The following TRDMT1 variants were observed in gnomAD, a reference collection of about 807,000 sequenced individuals.
TRDMT1 encodes the protein tRNA (cytosine(38)-C(5))-methyltransferase.
In TRDMT1, 49 loss-of-function variants were observed where a neutral mutation model predicts 51.2. The ratio of observed to expected loss-of-function variants is 0.96; its 90% CI spans 0.76 to 1.21. The LOEUF (loss-of-function observed/expected upper bound fraction) is 1.21, where lower values mean the gene tolerates loss of function less well. Among genes scored for constraint, TRDMT1 ranks in the 50% most tolerant of loss-of-function variants. TRDMT1 has a pLI of 0.00. For synonymous variants in TRDMT1, 187 were observed against 164.6 expected, an observed-to-expected ratio of 1.14 and a Z score of -1.04; for missense variants, 534 against 462.3, an observed-to-expected ratio of 1.16 and a Z score of -1.42.
In TRDMT1 at chr10:17,142,067, A is replaced by G. The variant is rs1837734819; in HGVS notation, c.*6973T>C. On this transcript the variant is annotated 3_prime_UTR_variant, in exon 11 of 11. Transcript: ENST00000377799. ...GAGCTTTTCTATTTTTTGTGGCAAG[A>G]CAACTTGTAATTACCTGTTGAAGCA... is the stretch of plus-strand genomic sequence containing the variant. Among the ~76,000 whole-genome samples, 1 of 152,132 alleles carries G rather than the reference A, an allele frequency of 6.6e-6. No individual in the cohort carries two copies. Among genetic ancestry groups the G allele is most frequent in the Admixed American group, 6.5e-5 (1 of 15,276 alleles).
chr10:17,188,440 A>G (rs1844224193), intron 1 of TRDMT1, among the ~76,000 whole-genome samples: 1 of 114,034 alleles, frequency 8.8e-6, no homozygotes, highest in Non-Finnish European at 1.9e-5. Context: ...AATTCAAGAC[A>G]TATTTATTGA....
Position 17,198,034 on chromosome 10 carries a change from C to CAA in TRDMT1, c.64+3535_64+3536dup, listed in dbSNP as rs34756430. On this transcript the variant is annotated intron_variant, in intron 1 of 10. Coordinates refer to ENST00000377799, the MANE Select transcript of TRDMT1 (RefSeq NM_004412.7). ...GGGCAAGAAGAGCGAAACTCCATCT[C>CAA]AAAAAAAAAAAGAAAGAAAAAGAAA... 3.9e-3 allele frequency among the ~76,000 whole-genome samples: 538 copies of CAA among 139,300 alleles called. 5 individuals carry two copies. Among genetic ancestry groups the CAA allele is most frequent in the African/African-American group, 0.013 (501 of 37,802 alleles). The allele number at this position is 139,300 out of a possible 152,430, so 91.4% of individuals were successfully genotyped here.
At position 17,144,600 on chromosome 10, in the gene TRDMT1, G is replaced by A. The variant is rs1177705642; in HGVS notation, c.*4440C>T. ...AAGCCAATGTATATGAGAACTTGGG[G>A]AATACAAAGCCAAAACAGCTCATTG... On this transcript the variant is annotated 3_prime_UTR_variant, in exon 11 of 11. Transcript: ENST00000377799. 6 of 985,342 alleles carry A rather than the reference G, an allele frequency of 6.1e-6. No individual in the cohort carries two copies. The highest frequency in any genetic ancestry group is 7.2e-6 in the Non-Finnish European group (6 of 829,912). The allele number at this position is 985,342 out of a possible 1,614,324, so 61.0% of individuals were successfully genotyped here.
chr10:17,150,345 T>C, intron 10 of TRDMT1: 1 of 965,850 alleles, frequency 1.0e-6, no homozygotes, highest in Non-Finnish European at 1.2e-6. Context: ...AATTGTTGAA[T>C]GGTAAGAGTC....
Position 17,149,234 on chromosome 10 carries a change from T to C in TRDMT1, c.1076-94A>G, listed in dbSNP as rs1838386806. 3 of 937,122 alleles carry C rather than the reference T, an allele frequency of 3.2e-6. No homozygotes were observed. The African/African-American group carries it at 5.0e-5, about 16-fold the overall frequency. The allele number at this position is 937,122 out of a possible 1,614,324, so 58.1% of individuals were successfully genotyped here. On this transcript the variant is annotated intron_variant, in intron 10 of 10. Transcript: ENST00000377799. ...CCTTTAGTAAGGGCACAGCGGTCATTTCATAAGTAAATCACTAAGGTCTCC... is the reference window on the plus strand; with the variant it reads ...CCTTTAGTAAGGGCACAGCGGTCATCTCATAAGTAAATCACTAAGGTCTCC...
chr10:17,184,565 T>A (rs1481109256), intron 1 of TRDMT1, among the ~76,000 whole-genome samples: 1 of 152,134 alleles, frequency 6.6e-6, no homozygotes, highest in Admixed American at 6.5e-5. Context: ...TGAAAGCTTC[T>A]AATTTTCATC....
At chr10:17,198,453 G>A (rs1010541403) in intron 1 of TRDMT1, among the ~76,000 whole-genome samples, 4 of 152,216 alleles carry the variant, frequency 2.6e-5, no homozygotes, top group African/African-American at 7.2e-5. Context: ...CTATACAATG[G>A]AATATTATTC....
intron 7 of TRDMT1, among the ~76,000 whole-genome samples, chr10:17,158,162 T>A (rs1379700701): frequency 1.3e-5 from 2 of 152,026 alleles, no homozygotes; most frequent in Admixed American, 1.3e-4. Context: ...TTTGCCATAC[T>A]CCTTCATTAA....
chr10:17,201,057 T>C (rs1846086864), intron 1 of TRDMT1, among the ~76,000 whole-genome samples: 1 of 152,230 alleles, frequency 6.6e-6, no homozygotes, highest in South Asian at 2.1e-4. Context: ...GTCCAAGTTC[T>C]TCAAGCTTCC....
chr10:17,151,656 C>G, intron 10 of TRDMT1: 8 of 963,292 alleles, frequency 8.3e-6, no homozygotes, highest in Non-Finnish European at 9.9e-6. Context: ...CATATATATT[C>G]AAAGAGCTTT....
At chr10:17,162,533 C>G (rs1188700055) in intron 3 of TRDMT1, among the ~76,000 whole-genome samples, 1 of 151,838 alleles carries the variant, frequency 6.6e-6, no homozygotes, top group Admixed American at 6.6e-5. Flanking sequence ...ATGGCGAAAC[C>G]CTGTCTCTAC....
chr10:17,195,461 A>AG (rs895002305), intron 1 of TRDMT1, among the ~76,000 whole-genome samples: 2 of 152,296 alleles, frequency 1.3e-5, no homozygotes, highest in East Asian at 1.9e-4. Flanking sequence ...TAGAGAGAGA[A>AG]GGGGGGCAGC....
At chr10:17,199,570 C>T (rs1432155631) in intron 1 of TRDMT1, among the ~76,000 whole-genome samples, 16 of 152,058 alleles carry the variant, frequency 1.1e-4, no homozygotes, top group Admixed American at 6.6e-4. Flanking sequence ...GACGGTGAAG[C>T]GGGATGCTGA....
In TRDMT1 at chr10:17,138,771, T is replaced by A. The variant is rs1159900091; in HGVS notation, c.*10269A>T. ...TCCACTTTTTTCAAGTTTTTTTTTT[T>A]AAGTAATATAATCCCTTCATAAACA... On this transcript the variant is annotated 3_prime_UTR_variant, in exon 11 of 11. Transcript: ENST00000377799. Among the ~76,000 whole-genome samples the A allele has an allele frequency of 6.6e-6, 1 of 152,062 alleles. No individual in the cohort carries two copies. The highest frequency in any genetic ancestry group is 1.5e-5 in the Non-Finnish European group (1 of 68,016).
rs1837864971 is a variant in TRDMT1 at position 17,143,666 on chromosome 10, G to C, written c.*5374C>G. On this transcript the variant is annotated 3_prime_UTR_variant, in exon 11 of 11. Transcript: ENST00000377799. ...AATATGATTGCAAATATATGTGTGG[G>C]TGTTTTTAAATCTCAGTGACTTTTT... 3.0e-6 allele frequency: 3 copies of C among 985,426 alleles called. No individual in the cohort carries two copies. In the Admixed American group the frequency reaches 1.8e-4, roughly 61 times the overall value. 61.0% of individuals were successfully genotyped at this position (985,426 alleles called of 1,614,324 possible). A position where few individuals can be genotyped will look rare whatever the true frequency, so the allele number is the denominator to read the frequency against.
intron 1 of TRDMT1, among the ~76,000 whole-genome samples, chr10:17,193,502 T>C (rs1844976120): frequency 1.3e-5 from 2 of 152,214 alleles, no homozygotes; most frequent in Non-Finnish European, 2.9e-5. Flanking sequence ...AGCATTTCTA[T>C]ACACAAATAA....
At position 17,144,586 on chromosome 10, in the gene TRDMT1, T is replaced by C. The variant is rs779086002; in HGVS notation, c.*4454A>G. The C allele has an allele frequency of 4.1e-6, 4 of 985,594 alleles. No homozygotes were observed. Among genetic ancestry groups the C allele is most frequent in the African/African-American group, 1.7e-5 (1 of 57,368 alleles). 61.1% of individuals were successfully genotyped at this position (985,594 alleles called of 1,614,324 possible). ...CTATGGTAAATATAAAGCCAATGTA[T>C]ATGAGAACTTGGGGAATACAAAGCC... On this transcript the variant is annotated 3_prime_UTR_variant, in exon 11 of 11. Transcript: ENST00000377799.
chr10:17,165,652 T>A (rs529543769), intron 3 of TRDMT1, among the ~76,000 whole-genome samples: 6 of 150,924 alleles, frequency 4.0e-5, no homozygotes, highest in Non-Finnish European at 7.4e-5. Context: ...GAATCTACAA[T>A]GAACTCAAAA....
intron 8 of TRDMT1, among the ~76,000 whole-genome samples, chr10:17,155,801 T>C (rs1308703504): frequency 1.3e-5 from 2 of 152,218 alleles, no homozygotes; most frequent in Non-Finnish European, 2.9e-5. Flanking sequence ...CTTTTTCATA[T>C]ATATTACACA....
Sources: allele counts gnomAD v4.1 joint callset (sites outside exome capture counted in the v4.1 genomes callset), GRCh38; gene constraint gnomAD v4.1.1; transcripts MANE v1.5; gene names NCBI Gene and HGNC (gene_info 2026-07-23, HGNC 2026-07-21).